Variants in USP6NL observed in about 807,000 individuals in gnomAD.
USP6NL encodes the protein USP6 N-terminal-like protein.
In USP6NL, 26 loss-of-function variants were observed where a neutral mutation model predicts 61.9. The ratio of observed to expected loss-of-function variants is 0.42; its 90% CI spans 0.31 to 0.58. USP6NL has a LOEUF of 0.58. USP6NL is among the 20% of genes least tolerant of loss of function. The probability of loss-of-function intolerance (pLI) is 0.16; values close to 1 mark genes in which losing one functional copy is unlikely to be tolerated. For missense variants in USP6NL, 1,114 were observed against 1,034.3 expected (o/e 1.08, Z -1.06); for synonymous variants, 432 against 390.1 (o/e 1.11, Z -1.27).
At chr10:11,535,116 C>T (rs1835783462) in intron 2 of USP6NL, among the ~76,000 whole-genome samples, 1 of 152,138 alleles carries the variant, frequency 6.6e-6, no homozygotes, top group African/African-American at 2.4e-5. Context: ...TAGATCTGCC[C>T]GGCAGTGCCC....
chr10:11,565,094 A>G (rs557764699), intron 2 of USP6NL: 1 of 152,360 alleles, frequency 6.6e-6, no homozygotes, highest in African/African-American at 2.4e-5. Context: ...CGTGAAGTTA[A>G]TAGCCCGTTT....
In USP6NL at chr10:11,561,507, T is replaced by C. The variant is rs1836929364; in HGVS notation, c.5-33940A>G. 6.6e-6 allele frequency among the ~76,000 whole-genome samples: 1 copy of C among 152,254 alleles called. No homozygotes were observed. Among genetic ancestry groups the C allele is most frequent in the African/African-American group, 2.4e-5 (1 of 41,464 alleles). On this transcript the variant is annotated intron_variant, in intron 2 of 14. Coordinates refer to ENST00000609104, the MANE Select transcript of USP6NL (RefSeq NM_014688.5). This position sits in a 1 kb window ranked among gnomAD's most constrained non-coding sequence, Gnocchi z 4.1. ...GCACATTGCTTTGCAATTATCTTTCTACTCAAATATATTTCATAGACATTT... is the reference window on the plus strand; with the variant it reads ...GCACATTGCTTTGCAATTATCTTTCCACTCAAATATATTTCATAGACATTT...
chr10:11,480,377 T>C (rs2499924), intron 14 of USP6NL, among the ~76,000 whole-genome samples: 42,330 of 152,180 alleles, frequency 0.28, 7,078 homozygotes, highest in Non-Finnish European at 0.38. Flanking sequence ...TTTTCCTCTA[T>C]ATTTGACTTT....
intron 5 of USP6NL, 82 bp from the exon 6 acceptor site, chr10:11,509,757 T>TAA (rs1402291536): frequency 1.7e-5 from 20 of 1,189,408 alleles, no homozygotes; most frequent in Non-Finnish European, 2.0e-5. Context: ...AAAATGCTTC[T>TAA]AAAAAAGGAA....
At chr10:11,547,729 A>G (rs1003694998) in intron 2 of USP6NL, among the ~76,000 whole-genome samples, 2 of 151,830 alleles carry the variant, frequency 1.3e-5, no homozygotes, top group African/African-American at 2.4e-5. Context: ...TTTAGTAGAG[A>G]CGGGGTGTCA....
rs1472617793 is a variant in USP6NL, at chr10:11,470,119, G to A, written c.1079-6270C>T. On this transcript the variant is annotated intron_variant, in intron 14 of 14. Transcript: ENST00000609104. The surrounding 1 kb of genome is among the most constrained non-coding windows in gnomAD (Gnocchi z 5.4). The stretch of plus-strand genomic sequence containing the variant: ...ATGAGGAGGAGAAGCAAGAAGGGGC[G>A]GAGACAGTGAAGGAGAGGTGAGGAA... Among the ~76,000 whole-genome samples the A allele has an allele frequency of 6.6e-6, 1 of 152,196 alleles. No individual in the cohort carries two copies. The highest frequency in any genetic ancestry group is 2.4e-5 in the African/African-American group (1 of 41,438).
At chr10:11,564,655 A>G (rs925929782) in intron 2 of USP6NL, 1 of 152,186 alleles carries the variant, frequency 6.6e-6, no homozygotes, top group African/African-American at 2.4e-5. Flanking sequence ...GTAAAGACAT[A>G]TTCAAAGAGC....
At chr10:11,547,809 A>C (rs10752221) in intron 2 of USP6NL, among the ~76,000 whole-genome samples, 2 of 152,112 alleles carry the variant, frequency 1.3e-5, no homozygotes, top group East Asian at 3.9e-4. Context: ...CCAAAGTGCT[A>C]GGATTACAGG....
chr10:11,466,850 T>A (rs187056064), intron 14 of USP6NL, among the ~76,000 whole-genome samples: 174 of 152,278 alleles, frequency 1.1e-3, no homozygotes, highest in African/African-American at 3.9e-3. Context: ...CAGTGGTAGG[T>A]ATTTGTGAAT....
chr10:11,536,723 G>A (rs995697424), intron 2 of USP6NL, among the ~76,000 whole-genome samples: 4 of 151,970 alleles, frequency 2.6e-5, no homozygotes, highest in African/African-American at 9.7e-5. Flanking sequence ...ATACTTCCCC[G>A]CGGTCCAACC....
Position 11,462,208 on chromosome 10 carries a change from T to C in USP6NL, c.*233A>G, listed in dbSNP as rs1329095192. Reference sequence around the variant, plus strand: ...ACTGTGCGTGCATCCCTAAATGCTATTGCGATGTTTCCGGGTTAAATTCTA... The same window carrying C: ...ACTGTGCGTGCATCCCTAAATGCTACTGCGATGTTTCCGGGTTAAATTCTA... On this transcript the variant is annotated 3_prime_UTR_variant, in exon 15 of 15. Coordinates refer to ENST00000609104, the MANE Select transcript of USP6NL (RefSeq NM_014688.5). 3.8e-6 allele frequency: 2 copies of C among 526,548 alleles called. No homozygotes were observed. The highest frequency in any genetic ancestry group is 6.6e-6 in the Non-Finnish European group (2 of 303,468). The allele number at this position is 526,548 out of a possible 1,614,324, so 32.6% of individuals were successfully genotyped here. A position where few individuals can be genotyped will look rare whatever the true frequency, so the allele number is the denominator to read the frequency against.
In USP6NL at chr10:11,489,808, C is replaced by G. The variant is rs1442971964; in HGVS notation, c.544-586G>C. 3.3e-5 allele frequency among the ~76,000 whole-genome samples: 5 copies of G among 152,216 alleles called. No individual in the cohort carries two copies. Among genetic ancestry groups the G allele is most frequent in the Admixed American group, 1.3e-4 (2 of 15,294 alleles). ...GAACAGTTATTTGGTTGCACTGACTCATCAGACACTGTCTCTATGAAATGT... is the reference window on the plus strand; with the variant it reads ...GAACAGTTATTTGGTTGCACTGACTGATCAGACACTGTCTCTATGAAATGT... On this transcript the variant is annotated intron_variant, in intron 9 of 14. Transcript: ENST00000609104. The surrounding 1 kb of genome is among the most constrained non-coding windows in gnomAD (Gnocchi z 5.7).
rs1838167096 is a variant in USP6NL, at chr10:11,591,878, C to T, written c.4+5753G>A. Among the ~76,000 whole-genome samples, 1 of 152,050 alleles carries T rather than the reference C, an allele frequency of 6.6e-6. No individual in the cohort carries two copies. Among genetic ancestry groups the T allele is most frequent in the African/African-American group, 2.4e-5 (1 of 41,422 alleles). ...CCATAGTATCAAACCAAGAATTACT[C>T]TTTTTATTTTTGAGACAGTCTCACT... On this transcript the variant is annotated intron_variant, in intron 2 of 14. Transcript: ENST00000609104. This position sits in a 1 kb window ranked among gnomAD's most constrained non-coding sequence, Gnocchi z 4.7.
chr10:11,584,310 C>T (rs535145338), intron 2 of USP6NL, among the ~76,000 whole-genome samples: 1 of 152,198 alleles, frequency 6.6e-6, no homozygotes, highest in South Asian at 2.1e-4. Flanking sequence ...AGTGCACATA[C>T]ACATAAAACA....
In USP6NL at chr10:11,463,899, G is replaced by A. The variant is rs1294255466; in HGVS notation, c.1079-50C>T. ...TAAGATAATACACGAGTAAACAGTAGCCAGTTGAAGCAATCCATTAGTAAC... is the reference window on the plus strand; with the variant it reads ...TAAGATAATACACGAGTAAACAGTAACCAGTTGAAGCAATCCATTAGTAAC... On this transcript the variant is annotated intron_variant, in intron 14 of 14. Transcript: ENST00000609104. This position sits in a 1 kb window ranked among gnomAD's most constrained non-coding sequence, Gnocchi z 6.3. 2 of 1,435,010 alleles carry A rather than the reference G, an allele frequency of 1.4e-6. No homozygotes were observed. The highest frequency in any genetic ancestry group is 1.8e-6 in the Non-Finnish European group (2 of 1,084,712). The allele number at this position is 1,435,010 out of a possible 1,614,324, so 88.9% of individuals were successfully genotyped here. A position where few individuals can be genotyped will look rare whatever the true frequency, so the allele number is the denominator to read the frequency against.
rs1433393007 is a variant in USP6NL, at chr10:11,465,493, T to A, written c.1079-1644A>T. Among the ~76,000 whole-genome samples, 1 of 152,202 alleles carries A rather than the reference T, an allele frequency of 6.6e-6. No individual in the cohort carries two copies. The highest frequency in any genetic ancestry group is 1.5e-5 in the Non-Finnish European group (1 of 68,036). On this transcript the variant is annotated intron_variant, in intron 14 of 14. Coordinates refer to ENST00000609104, the MANE Select transcript of USP6NL (RefSeq NM_014688.5). This position sits in a 1 kb window ranked among gnomAD's most constrained non-coding sequence, Gnocchi z 4.5. The stretch of plus-strand genomic sequence containing the variant: ...CACTGGCCTGCAGAGAGCCACCAAC[T>A]TTTTAGCTCACATGAAATAATTTAA...
At chr10:11,559,812 T>G (rs1836855448) in intron 2 of USP6NL, among the ~76,000 whole-genome samples, 1 of 152,196 alleles carries the variant, frequency 6.6e-6, no homozygotes. Flanking sequence ...TGATGACTAC[T>G]AGCCCTACAA....
In USP6NL at chr10:11,487,715, C is replaced by T. The variant is rs1473991751; in HGVS notation, c.664+1387G>A. 6.6e-6 allele frequency among the ~76,000 whole-genome samples: 1 copy of T among 152,120 alleles called. No individual in the cohort carries two copies. ...GAGCCTATTTACTAGATGCAAAGCG[C>T]CCAGACCCAGTTACCATGCAGATGA... On this transcript the variant is annotated intron_variant, in intron 10 of 14. Coordinates refer to ENST00000609104, the MANE Select transcript of USP6NL (RefSeq NM_014688.5). The surrounding 1 kb of genome is among the most constrained non-coding windows in gnomAD (Gnocchi z 4.2).
In USP6NL at chr10:11,510,566, G is replaced by A. The variant is rs150313851; in HGVS notation, c.196-891C>T. 9.8e-4 allele frequency among the ~76,000 whole-genome samples: 149 copies of A among 152,228 alleles called. 1 individual carries two copies. Among genetic ancestry groups the A allele is most frequent in the African/African-American group, 3.4e-3 (140 of 41,550 alleles). ...GGCTGCGGAATGGGGAAAGTGAGAC[G>A]GAAAATGCTCGCTCTTCACTTGTTT... On this transcript the variant is annotated intron_variant, in intron 5 of 14. Coordinates refer to ENST00000609104, the MANE Select transcript of USP6NL (RefSeq NM_014688.5). This position sits in a 1 kb window ranked among gnomAD's most constrained non-coding sequence, Gnocchi z 4.8.
Sources: allele counts gnomAD v4.1 joint callset (sites outside exome capture counted in the v4.1 genomes callset), GRCh38; gene constraint gnomAD v4.1.1; non-coding constraint Gnocchi (gnomAD v3.1); transcripts MANE v1.5; gene names NCBI Gene and HGNC (gene_info 2026-07-23, HGNC 2026-07-21).